The following MYO5B variants were observed in gnomAD, a reference collection of about 807,000 sequenced individuals.
MYO5B encodes unconventional myosin-Vb.
MYO5B carries 143 observed loss-of-function variants against 229.3 expected under a neutral mutation model. The ratio of observed to expected loss-of-function variants is 0.62; its 90% CI spans 0.54 to 0.72. The LOEUF (loss-of-function observed/expected upper bound fraction) is 0.72. MYO5B is among the 30% of genes least tolerant of loss of function. The pLI is 0.00. For missense variants in MYO5B, 2,321 were observed against 2,331.0 expected, an observed-to-expected ratio of 1.00 and a Z score of 0.09; for synonymous variants, 918 against 885.2, an observed-to-expected ratio of 1.04 and a Z score of -0.66.
At chr18:49,929,430 G>A in intron 17 of MYO5B, 82 bp downstream of exon 17, 2 of 1,144,612 alleles carry the variant, frequency 1.7e-6, no homozygotes, top group South Asian at 2.7e-5. Flanking sequence ...CTGGCCGACG[G>A]TACACAGAGG....
At position 49,904,834 on chromosome 18, in the gene MYO5B, G is replaced by C. The variant is rs2298625; in HGVS notation, c.2415-6C>G. On this transcript the variant is annotated splice_region_variant and splice_polypyrimidine_tract_variant and intron_variant, in intron 19 of 39. Transcript: ENST00000285039. ...TCCGCAGGTGCTCAGCCAGCCTGGG[G>C]AGCAAGAGGAAACAGGCAGTGTCAG... The C allele has an allele frequency of 2.5e-4, 401 of 1,613,428 alleles. 1 individual carries two copies. In the East Asian group the frequency reaches 6.2e-3, roughly 25 times the overall value.
At chr18:49,974,079 C>T (rs568864120) in intron 10 of MYO5B, among the ~76,000 whole-genome samples, 5 of 152,308 alleles carry the variant, frequency 3.3e-5, no homozygotes, top group South Asian at 2.1e-4. Context: ...TAAAAACTGA[C>T]GCTTACAGGG....
intron 8 of MYO5B, among the ~76,000 whole-genome samples, chr18:49,982,888 A>T (rs962094340): frequency 6.6e-6 from 1 of 151,990 alleles, no homozygotes; most frequent in Admixed American, 6.6e-5. Flanking sequence ...TTTGAGCATT[A>T]AAGTATCCAG....
At chr18:50,120,141 A>G (rs183530709) in intron 1 of MYO5B, among the ~76,000 whole-genome samples, 1 of 152,264 alleles carries the variant, frequency 6.6e-6, no homozygotes, top group Admixed American at 6.5e-5. Flanking sequence ...ATATAGACAG[A>G]AGGAACAAAG....
At chr18:50,062,809 G>A (rs1035160437) in intron 1 of MYO5B, among the ~76,000 whole-genome samples, 1 of 152,094 alleles carries the variant, frequency 6.6e-6, no homozygotes, top group Non-Finnish European at 1.5e-5. Context: ...CATTTATTGG[G>A]CTGGGCTCCC....
At chr18:50,112,595 A>C (rs1358640769) in intron 1 of MYO5B, among the ~76,000 whole-genome samples, 1 of 152,160 alleles carries the variant, frequency 6.6e-6, no homozygotes, top group Non-Finnish European at 1.5e-5. Context: ...ATGCCCCACG[A>C]AAAACCTTTT....
intron 29 of MYO5B, among the ~76,000 whole-genome samples, chr18:49,859,696 T>A (rs1185265948): frequency 6.6e-6 from 1 of 152,190 alleles, no homozygotes; most frequent in Non-Finnish European, 1.5e-5. Context: ...CAAACTGTGC[T>A]GCCAACTCAG....
At chr18:49,932,536 G>T (rs1021288442) in intron 16 of MYO5B, among the ~76,000 whole-genome samples, 13 of 152,160 alleles carry the variant, frequency 8.5e-5, no homozygotes, top group African/African-American at 3.1e-4. Flanking sequence ...CCTCCGCTCT[G>T]CCACTAACAG....
At chr18:50,119,574 G>A (rs2144528785) in intron 1 of MYO5B, among the ~76,000 whole-genome samples, 1 of 152,268 alleles carries the variant, frequency 6.6e-6, no homozygotes, top group South Asian at 2.1e-4. Context: ...ATGAGAAAGA[G>A]GGAGATTCCG....
At chr18:49,927,389 A>G (rs2025140672) in intron 17 of MYO5B, among the ~76,000 whole-genome samples, 1 of 152,000 alleles carries the variant, frequency 6.6e-6, no homozygotes, top group African/African-American at 2.4e-5. Flanking sequence ...AATCATATGG[A>G]ACCAAAAAAG....
intron 16 of MYO5B, among the ~76,000 whole-genome samples, chr18:49,929,989 T>C (rs571755507): frequency 6.6e-6 from 1 of 152,216 alleles, no homozygotes; most frequent in Non-Finnish European, 1.5e-5. Flanking sequence ...CAAGCATATA[T>C]GCTTAGCCCC....
intron 1 of MYO5B, among the ~76,000 whole-genome samples, chr18:50,091,672 C>T (rs1312807702): frequency 2.0e-5 from 3 of 152,166 alleles, no homozygotes. Context: ...GGGCACTAGG[C>T]AGCCATTTGT....
chr18:50,084,899 A>G (rs1206476380), intron 1 of MYO5B, among the ~76,000 whole-genome samples: 2 of 152,192 alleles, frequency 1.3e-5, no homozygotes, highest in East Asian at 3.8e-4. Context: ...CTTACACCTT[A>G]TACAAAAATT....
At chr18:49,960,413 C>T (rs1300159927) in intron 12 of MYO5B, among the ~76,000 whole-genome samples, 2 of 152,182 alleles carry the variant, frequency 1.3e-5, no homozygotes, top group Non-Finnish European at 2.9e-5. Context: ...CAGGGGGATT[C>T]CCTAACCTCC....
At chr18:50,064,947 A>T (rs2030782317) in intron 1 of MYO5B, among the ~76,000 whole-genome samples, 1 of 152,204 alleles carries the variant, frequency 6.6e-6, no homozygotes. Context: ...TTTCTTAAGA[A>T]ATAACCTGGG....
At chr18:50,122,691 C>A (rs2032088193) in intron 1 of MYO5B, among the ~76,000 whole-genome samples, 1 of 110,094 alleles carries the variant, frequency 9.1e-6, no homozygotes, top group Non-Finnish European at 1.9e-5. Context: ...GAGAGACTGA[C>A]TGCATCTCAA....
chr18:50,009,064 A>C (rs914719103), intron 4 of MYO5B, among the ~76,000 whole-genome samples: 6 of 152,246 alleles, frequency 3.9e-5, no homozygotes, highest in Non-Finnish European at 8.8e-5. Context: ...TCTTGGAAAC[A>C]ATGGTGACTT....
chr18:49,973,130 C>T lies in MYO5B; in HGVS notation c.1322+1220G>A, dbSNP rs536584967. Among the ~76,000 whole-genome samples, 7 of 152,274 alleles carry T rather than the reference C, an allele frequency of 4.6e-5. No homozygotes were observed. In the South Asian group the frequency reaches 1.2e-3, roughly 27 times the overall value. Reference sequence around the variant, plus strand: ...ATCCAAACCCTCAAATAGACCCTTCCACAATTTCTTCTGATGCCTCTTATG... The same window carrying T: ...ATCCAAACCCTCAAATAGACCCTTCTACAATTTCTTCTGATGCCTCTTATG... On this transcript the variant is annotated intron_variant, in intron 10 of 39. Coordinates refer to ENST00000285039, the MANE Select transcript of MYO5B (RefSeq NM_001080467.3).
At chr18:49,917,159 CA>C (rs1183388681) in intron 17 of MYO5B, among the ~76,000 whole-genome samples, 2 of 152,322 alleles carry the variant, frequency 1.3e-5, no homozygotes, top group African/African-American at 2.4e-5. Context: ...TATGTTCATG[CA>C]GGGGTAGCTC....
Sources: gnomAD v4.1 joint callset for allele counts (sites outside exome capture counted in the v4.1 genomes callset) on GRCh38, gnomAD v4.1.1 for gene constraint, MANE v1.5 for transcripts, NCBI Gene and HGNC (gene_info 2026-07-23, HGNC 2026-07-21) for gene names.